The following CHEK1 variants were observed in gnomAD, a reference collection of about 807,000 sequenced individuals.
CHEK1 encodes the protein serine/threonine-protein kinase Chk1.
Under a neutral mutation model 60.2 loss-of-function variants are expected in CHEK1, and 32 were observed. The observed-to-expected ratio is 0.53, with a 90% CI of 0.40 to 0.71. The LOEUF (loss-of-function observed/expected upper bound fraction) is 0.71, where lower values mean the gene tolerates loss of function less well. Among genes scored for constraint, CHEK1 ranks in the 30% least tolerant of loss-of-function variants. The pLI, the probability that CHEK1 is intolerant of heterozygous loss-of-function variation, is 0.00. For missense variants in CHEK1, 399 were observed against 564.6 expected, an observed-to-expected ratio of 0.71 and a Z score of 2.97; for synonymous variants, 179 against 187.2, an observed-to-expected ratio of 0.96 and a Z score of 0.36.
intron 8 of CHEK1, among the ~76,000 whole-genome samples, chr11:125,638,492 C>A (rs1941156615): frequency 1.3e-5 from 2 of 152,274 alleles, no homozygotes; most frequent in South Asian, 2.1e-4. Flanking sequence ...TTAACTCTGT[C>A]CTCATGGATA....
At chr11:125,626,333 G>T in intron 1 of CHEK1, 1 of 453,478 alleles carries the variant, frequency 2.2e-6, no homozygotes, top group East Asian at 3.5e-5. Context: ...GATGGGAATT[G>T]GAATTGAGCA....
intron 8 of CHEK1, among the ~76,000 whole-genome samples, chr11:125,642,396 C>T (rs1351188466): frequency 1.3e-5 from 2 of 152,098 alleles, no homozygotes; most frequent in Non-Finnish European, 2.9e-5. Flanking sequence ...TGTCTCTCCT[C>T]AGTAGAATGT....
chr11:125,635,202 TTCTGCCTCAGCCTCCC>T (rs1941021669), intron 6 of CHEK1, among the ~76,000 whole-genome samples: 2 of 152,134 alleles, frequency 1.3e-5, no homozygotes, highest in Admixed American at 1.3e-4. Context: ...CAAGCAGTCC[TTCTGCCTCAGCCTCCC>T]AAAGTGCTGT....
chr11:125,625,656 G>T lies in CHEK1; in HGVS notation c.-377G>T. ...GCAGCGCGGTCGGTCGCGCGCCCCT[G>T]AGGCTTGGAGGCCTGGGCTTCCCCC... is the stretch of plus-strand genomic sequence containing the variant. On this transcript the variant is annotated 5_prime_UTR_variant, in exon 1 of 13. Coordinates refer to ENST00000438015, the MANE Select transcript of CHEK1 (RefSeq NM_001114122.3). 1 of 600,968 alleles carries T rather than the reference G, an allele frequency of 1.7e-6. No homozygotes were observed. Among genetic ancestry groups the T allele is most frequent in the South Asian group, 1.9e-5 (1 of 51,590 alleles). 37.2% of individuals were successfully genotyped at this position (600,968 alleles called of 1,614,324 possible). A position where few individuals can be genotyped will look rare whatever the true frequency, so the allele number is the denominator to read the frequency against.
In CHEK1 at chr11:125,625,551, C is replaced by A; in HGVS notation, c.-482C>A. The A allele has an allele frequency of 3.4e-6, 2 of 586,476 alleles. No homozygotes were observed. Among genetic ancestry groups the A allele is most frequent in the Non-Finnish European group, 3.0e-6 (1 of 328,224 alleles). The allele number at this position is 586,476 out of a possible 1,614,324, so 36.3% of individuals were successfully genotyped here. A position where few individuals can be genotyped will look rare whatever the true frequency, so the allele number is the denominator to read the frequency against. On this transcript the variant is annotated 5_prime_UTR_variant, in exon 1 of 13. Transcript: ENST00000438015. The stretch of plus-strand genomic sequence containing the variant: ...CGACTGTGATCCTCACAGTCCTGTC[C>A]GGTGGCCTCACGCAGGTGGCGGTGC...
At chr11:125,680,854 A>C, downstream of CHEK1, 3 of 1,268,062 alleles carry the variant, frequency 2.4e-6, no homozygotes, top group Non-Finnish European at 3.4e-6. Context: ...AACTGCGAGC[A>C]AAAGCTTCCA....
At chr11:125,677,789 T>C (rs751336877), downstream of CHEK1, 2 of 1,613,424 alleles carry the variant, frequency 1.2e-6, no homozygotes, top group East Asian at 2.2e-5. Flanking sequence ...CATCCAAACA[T>C]GGCTCACCTG....
chr11:125,680,905 G>A (rs528216071), downstream of CHEK1: 141 of 780,800 alleles, frequency 1.8e-4, 1 homozygote, highest in South Asian at 2.0e-3. Flanking sequence ...AACCTCAGAA[G>A]TAACCCATGT....
intron 13 of CHEK1, among the ~76,000 whole-genome samples, chr11:125,670,481 T>G (rs991198834): frequency 6.6e-6 from 1 of 152,210 alleles, no homozygotes; most frequent in Non-Finnish European, 1.5e-5. Flanking sequence ...GAGTATTGAC[T>G]TTTGTTCTAT....
At chr11:125,648,039 C>G (rs1473130620) in intron 11 of CHEK1, among the ~76,000 whole-genome samples, 2 of 150,866 alleles carry the variant, frequency 1.3e-5, no homozygotes, top group Admixed American at 1.3e-4. Context: ...TCTTTAATTT[C>G]TTTCAAGAAT....
chr11:125,644,980 C>T (rs1287179055), intron 11 of CHEK1, among the ~76,000 whole-genome samples: 1 of 152,010 alleles, frequency 6.6e-6, no homozygotes, highest in Non-Finnish European at 1.5e-5. Flanking sequence ...TGCACTCCTG[C>T]GTGGCCAACA....
At chr11:125,626,914 T>C in intron 2 of CHEK1, 81 bp downstream of exon 2, 1 of 1,456,174 alleles carries the variant, frequency 6.9e-7, no homozygotes, top group Non-Finnish European at 9.6e-7. Flanking sequence ...ATTTAGAAAG[T>C]AGATGTTTGA....
chr11:125,657,352 T>C (rs560332356), downstream of CHEK1, among the ~76,000 whole-genome samples: 8 of 152,222 alleles, frequency 5.3e-5, no homozygotes, highest in South Asian at 1.7e-3. Context: ...ATATGTACAC[T>C]TCAATGTGCA....
At chr11:125,654,191 G>A (rs1284294) in intron 12 of CHEK1, among the ~76,000 whole-genome samples, 9 of 151,984 alleles carry the variant, frequency 5.9e-5, no homozygotes, top group African/African-American at 1.4e-4. Flanking sequence ...TTAGCCAGGC[G>A]TGGTGGCGGG....
intron 11 of CHEK1, among the ~76,000 whole-genome samples, chr11:125,649,225 G>C (rs1056993694): frequency 6.6e-6 from 1 of 152,054 alleles, no homozygotes; most frequent in African/African-American, 2.4e-5. Context: ...GCCTAGGCTA[G>C]ACTGTAGTGG....
rs1429917540 is a variant in CHEK1 at position 125,675,355 on chromosome 11, T to G, written c.*28-573T>G. 2.6e-5 allele frequency among the ~76,000 whole-genome samples: 4 copies of G among 151,300 alleles called. No individual in the cohort carries two copies. The East Asian group carries it at 7.7e-4, about 29-fold the overall frequency. On this transcript the variant is annotated intron_variant, in intron 13 of 13. Transcript: ENST00000428830. ...TCTCCCTTGTGATATTGTTTCTTAT[T>G]TCTTACATTATAACATAATCTCTTT...
intron 13 of CHEK1, among the ~76,000 whole-genome samples, chr11:125,663,114 T>C (rs1942046578): frequency 6.6e-6 from 1 of 151,236 alleles, no homozygotes; most frequent in African/African-American, 2.4e-5. Flanking sequence ...ACTAGTCCTT[T>C]GTCAAATATG....
chr11:125,666,128 T>G (rs1942094998), intron 13 of CHEK1, among the ~76,000 whole-genome samples: 1 of 151,784 alleles, frequency 6.6e-6, no homozygotes, highest in South Asian at 2.1e-4. Context: ...ATGTAAGCAT[T>G]TATTGCTACA....
intron 8 of CHEK1, among the ~76,000 whole-genome samples, chr11:125,640,479 T>C (rs1417932505): frequency 2.0e-5 from 3 of 151,366 alleles, no homozygotes; most frequent in South Asian, 2.1e-4. Context: ...GGGGCGGAGC[T>C]TGCAGTGAGC....
Sources: gnomAD v4.1 joint callset for allele counts (sites outside exome capture counted in the v4.1 genomes callset) on GRCh38, gnomAD v4.1.1 for gene constraint, MANE v1.5 for transcripts, NCBI Gene and HGNC (gene_info 2026-07-23, HGNC 2026-07-21) for gene names.